Variants in NCS1 observed in about 807,000 individuals in gnomAD.
The protein encoded by NCS1 is neuronal calcium sensor 1.
Under a neutral mutation model 28.4 loss-of-function variants are expected in NCS1, and 6 were observed. That is an observed-to-expected ratio of 0.21 (90% CI 0.12 to 0.42). The LOEUF is 0.42. NCS1 is among the 10% of genes least tolerant of loss of function. NCS1 has a pLI of 1.00. For synonymous variants in NCS1, 86 were observed against 99.3 expected (o/e 0.87, Z 0.79); for missense variants, 131 against 241.4 (o/e 0.54, Z 3.03).
At chr9:130,221,347 TATAA>T (rs1564713512) in intron 4 of NCS1, among the ~76,000 whole-genome samples, 2 of 133,094 alleles carry the variant, frequency 1.5e-5, no homozygotes, top group East Asian at 4.5e-4. Context: ...TATATATATA[TATAA>T]AATATTTAAT....
chr9:130,228,655 T>TTTTC (rs1247352932), intron 7 of NCS1, among the ~76,000 whole-genome samples: 1 of 151,976 alleles, frequency 6.6e-6, no homozygotes, highest in South Asian at 2.1e-4. Context: ...TACACTGTTT[T>TTTTC]TTTCTTTCTT....
intron 4 of NCS1, among the ~76,000 whole-genome samples, chr9:130,221,405 TATATATATAGAGAGAGAGAGAGAG>T (rs1833295259): frequency 2.4e-5 from 1 of 41,816 alleles, no homozygotes; most frequent in Admixed American, 3.5e-4. Context: ...TATATATATA[TATATATATAGAGAGAGAGAGAGAG>T]AGAGAGAGAG....
chr9:130,182,507 T>C (rs1832674515), intron 1 of NCS1, among the ~76,000 whole-genome samples: 1 of 152,142 alleles, frequency 6.6e-6, no homozygotes, highest in South Asian at 2.1e-4. Context: ...TGCAGGAGAT[T>C]TGGGGCAGCC....
chr9:130,198,326 G>T (rs1832901627), intron 1 of NCS1, among the ~76,000 whole-genome samples: 1 of 152,196 alleles, frequency 6.6e-6, no homozygotes, highest in Non-Finnish European at 1.5e-5. Flanking sequence ...GGTGGGGGGT[G>T]TCAAGGGAGA....
At chr9:130,221,445 G>GAGAGAGAGAGAGAGAA (rs1833300609) in intron 4 of NCS1, among the ~76,000 whole-genome samples, 1 of 140,326 alleles carries the variant, frequency 7.1e-6, no homozygotes, top group Admixed American at 7.4e-5. Flanking sequence ...GAGAGAGAGA[G>GAGAGAGAGAGAGAGAA]AGAGAGAAAG....
At chr9:130,224,902 CAT>C (rs1331515211) in intron 6 of NCS1, among the ~76,000 whole-genome samples, 2 of 152,128 alleles carry the variant, frequency 1.3e-5, no homozygotes, top group Non-Finnish European at 2.9e-5. Context: ...AGCAAAATAA[CAT>C]AAAATGGTCA....
intron 1 of NCS1, among the ~76,000 whole-genome samples, chr9:130,176,987 C>G (rs1226132046): frequency 6.6e-6 from 1 of 152,220 alleles, no homozygotes; most frequent in Non-Finnish European, 1.5e-5. Context: ...CGGTCCTTCC[C>G]AGGGACCCTC....
At position 130,226,301 on chromosome 9, in the gene NCS1, GGGCTCTTGGGACC is replaced by G; in HGVS notation, c.475-84_475-72del. 8.8e-7 allele frequency: 1 copy of G among 1,136,544 alleles called. No homozygotes were observed. Among genetic ancestry groups the G allele is most frequent in the Non-Finnish European group, 1.3e-6 (1 of 763,668 alleles). The allele number at this position is 1,136,544 out of a possible 1,614,324, so 70.4% of individuals were successfully genotyped here. A position where few individuals can be genotyped will look rare whatever the true frequency, so the allele number is the denominator to read the frequency against. The stretch of plus-strand genomic sequence containing the variant: ...CCTCCCTCCTGATCTAACCTTGGAA[GGGCTCTTGGGACC>G]GGCCCTGGGCTGGGCTTGTCTAGAG... On this transcript the variant is annotated intron_variant, in intron 6 of 7. Coordinates refer to ENST00000372398, the MANE Select transcript of NCS1 (RefSeq NM_014286.4). The surrounding 1 kb of genome is among the most constrained non-coding windows in gnomAD (Gnocchi z 4.8).
At chr9:130,208,550 T>TG (rs1373040648) in intron 2 of NCS1, among the ~76,000 whole-genome samples, 1 of 152,138 alleles carries the variant, frequency 6.6e-6, no homozygotes, top group African/African-American at 2.4e-5. Flanking sequence ...GCTGGGATTA[T>TG]GGGCATGAGC....
At chr9:130,203,072 GTGTGTGTGTATACACATACATATATA>G (rs1247363911) in intron 2 of NCS1, among the ~76,000 whole-genome samples, 1 of 151,048 alleles carries the variant, frequency 6.6e-6, no homozygotes, top group African/African-American at 2.4e-5. Flanking sequence ...GTGTGTGTGT[GTGTGTGTGTATACACATACATATATA>G]TGTGTGTGTG....
chr9:130,183,393 G>C (rs1832691694), intron 1 of NCS1, among the ~76,000 whole-genome samples: 2 of 152,222 alleles, frequency 1.3e-5, no homozygotes, highest in Admixed American at 1.3e-4. Flanking sequence ...CCAGGAAGCT[G>C]GTGAGGCATC....
chr9:130,227,444 A>G (rs572958615), intron 7 of NCS1, among the ~76,000 whole-genome samples: 1 of 152,302 alleles, frequency 6.6e-6, no homozygotes, highest in South Asian at 2.1e-4. Flanking sequence ...GACATAGGAT[A>G]TGTGTAATAT....
chr9:130,218,086 A>G (rs1833213567), intron 3 of NCS1, 116 bp downstream of exon 3: 1 of 1,297,742 alleles, frequency 7.7e-7, no homozygotes, highest in South Asian at 1.2e-5. Context: ...GAACACACAC[A>G]CGAGTGCATA....
chr9:130,214,878 C>T (rs1811359278), intron 2 of NCS1, among the ~76,000 whole-genome samples: 1 of 152,088 alleles, frequency 6.6e-6, no homozygotes, highest in Admixed American at 6.6e-5. Flanking sequence ...CTGGATAGGC[C>T]CCCAAAGGCT....
At chr9:130,174,798 A>AAAAAAAAAAAC (rs1832539774) in intron 1 of NCS1, among the ~76,000 whole-genome samples, 1 of 151,324 alleles carries the variant, frequency 6.6e-6, no homozygotes, top group African/African-American at 2.4e-5. Context: ...TCCAAAAAAA[A>AAAAAAAAAAAC]AAAAAAAAAG....
rs1833349187 is a variant in NCS1 at position 130,222,676 on chromosome 9, A to G, written c.334A>G (p.Asn112Asp). 6.2e-7 allele frequency: 1 copy of G among 1,613,976 alleles called. No homozygotes were observed. Among genetic ancestry groups the G allele is most frequent in the Non-Finnish European group, 8.5e-7 (1 of 1,179,986 alleles). The change falls in exon 5 of 8, where the codon AAT becomes GAT. Residue 112 changes from asparagine (N) to aspartate (D), a missense_variant. Physicochemically the swap from Asn to Asp is conservative, Grantham distance 23 (BLOSUM62 1). Around this residue, in one of 2 missense-constraint regions of NCS1, gnomAD observed 100 missense variants for 210.3 expected, o/e 0.48. Transcript: ENST00000372398. ...RWAFKLYDLDNDGYITRNEML... is the reference protein window; with the variant it reads ...RWAFKLYDLDDDGYITRNEML... ...GGCCTTCAAGCTCTACGACTTGGACAATGATGGCTACATCACCAGGAATGA... is the reference window on the plus strand; with the variant it reads ...GGCCTTCAAGCTCTACGACTTGGACGATGATGGCTACATCACCAGGAATGA...
intron 1 of NCS1, among the ~76,000 whole-genome samples, chr9:130,195,091 G>A (rs1554906668): frequency 6.6e-6 from 1 of 152,166 alleles, no homozygotes; most frequent in South Asian, 2.1e-4. Flanking sequence ...GCTGGGTGCT[G>A]GACACTGGGC....
At chr9:130,202,402 C>T (rs990253679) in intron 2 of NCS1, among the ~76,000 whole-genome samples, 2 of 141,276 alleles carry the variant, frequency 1.4e-5, no homozygotes, top group African/African-American at 2.6e-5. Context: ...CTGCCCTGTG[C>T]CTCCCTGGGA....
chr9:130,195,498 A>G (rs1410691662), intron 1 of NCS1, among the ~76,000 whole-genome samples: 1 of 150,894 alleles, frequency 6.6e-6, no homozygotes, highest in Non-Finnish European at 1.5e-5. Context: ...ATCTCAGCTC[A>G]CTACAACCTC....
Sources: allele counts gnomAD v4.1 joint callset (sites outside exome capture counted in the v4.1 genomes callset), GRCh38; gene constraint gnomAD v4.1.1; regional missense constraint gnomAD v4.1.1; non-coding constraint Gnocchi (gnomAD v3.1); transcripts MANE v1.5; gene names NCBI Gene and HGNC (gene_info 2026-07-23, HGNC 2026-07-21).